The following ATP10B variants were observed in gnomAD, a reference collection of about 807,000 sequenced individuals.
The protein encoded by ATP10B is phospholipid-transporting ATPase VB.
A neutral mutation model predicts 141.2 loss-of-function variants in ATP10B; 122 were observed. That is an observed-to-expected ratio of 0.86 (90% CI 0.75 to 1.00). The LOEUF (loss-of-function observed/expected upper bound fraction) is 1.00. Ranked by LOEUF, ATP10B falls within the 50% of genes least tolerant of loss-of-function variation. The pLI is 0.00. For missense variants in ATP10B, 1,876 were observed against 1,825.3 expected, an observed-to-expected ratio of 1.03 and a Z score of -0.51; for synonymous variants, 685 against 692.0, an observed-to-expected ratio of 0.99 and a Z score of 0.16.
At chr5:160,819,294 GA>G (rs999648934) in intron 1 of ATP10B, among the ~76,000 whole-genome samples, 4 of 151,836 alleles carry the variant, frequency 2.6e-5, no homozygotes, top group East Asian at 3.9e-4. Flanking sequence ...ATTACTTAAG[GA>G]AAAAAAATTA....
At chr5:160,715,709 T>TTTA (rs1200417207) in intron 3 of ATP10B, among the ~76,000 whole-genome samples, 1 of 150,668 alleles carries the variant, frequency 6.6e-6, no homozygotes, top group Non-Finnish European at 1.5e-5. Flanking sequence ...TATTTATTTA[T>TTTA]TTATTTATTT....
chr5:160,919,223 C>CAAAAAAAAAAAAA, the ATP10B span, among the ~76,000 whole-genome samples: 749 of 26,790 alleles, frequency 0.028, 65 homozygotes, highest in Non-Finnish European at 0.035. Context: ...AACTCCGTCT[C>CAAAAAAAAAAAAA]AAAAAAAAAA....
chr5:160,799,899 A>G (rs1334314598), intron 1 of ATP10B, among the ~76,000 whole-genome samples: 9 of 152,222 alleles, frequency 5.9e-5, no homozygotes, highest in Non-Finnish European at 1.2e-4. Flanking sequence ...AAGTTTCCTG[A>G]TTAGGAATTT....
At chr5:160,758,306 C>T (rs1365305075) in intron 2 of ATP10B, among the ~76,000 whole-genome samples, 1 of 152,016 alleles carries the variant, frequency 6.6e-6, no homozygotes, top group Non-Finnish European at 1.5e-5. Context: ...ACAATGCCAA[C>T]ACTACAGGTT....
At position 160,736,996 on chromosome 5, in the gene ATP10B, C is replaced by CA. The variant is rs201381086; in HGVS notation, c.-330-19963dup. ...CCAATATCTCTGATGAATATTGATG[C>CA]AAAAATCCTTGACAAAGTACCAGCA... On this transcript the variant is annotated intron_variant, in intron 2 of 25. Coordinates refer to ENST00000327245, the MANE Select transcript of ATP10B (RefSeq NM_025153.3). 1.3e-3 allele frequency among the ~76,000 whole-genome samples: 194 copies of CA among 152,166 alleles called. 1 individual carries two copies. In the East Asian group the frequency reaches 0.033, roughly 26 times the overall value.
intron 2 of ATP10B, among the ~76,000 whole-genome samples, chr5:160,766,736 T>C (rs1561832462): frequency 6.6e-6 from 1 of 152,112 alleles, no homozygotes. Context: ...CCCAAAACGA[T>C]TGAATAATAA....
intron 1 of ATP10B, among the ~76,000 whole-genome samples, chr5:160,791,028 G>A (rs1771529847): frequency 6.6e-6 from 1 of 152,116 alleles, no homozygotes; most frequent in Admixed American, 6.6e-5. Flanking sequence ...AAGGAACCTG[G>A]GCAGCATCTA....
At position 160,615,751 on chromosome 5, in the gene ATP10B, T is replaced by C. The variant is rs539865887; in HGVS notation, c.2653+87A>G. 1.2e-5 allele frequency: 19 copies of C among 1,525,702 alleles called. No homozygotes were observed. The African/African-American group carries it at 2.2e-4, about 18-fold the overall frequency. 94.5% of individuals were successfully genotyped at this position (1,525,702 alleles called of 1,614,324 possible). A position where few individuals can be genotyped will look rare whatever the true frequency, so the allele number is the denominator to read the frequency against. On this transcript the variant is annotated intron_variant, in intron 17 of 25. Coordinates refer to ENST00000327245, the MANE Select transcript of ATP10B (RefSeq NM_025153.3). ...AGGGAAGGCTGCTAATGGAGACATA[T>C]TAGTAGTGTCAGAATCGGGGCCAAG...
At chr5:160,716,602 T>C (rs1225426286) in intron 3 of ATP10B, among the ~76,000 whole-genome samples, 2 of 152,190 alleles carry the variant, frequency 1.3e-5, no homozygotes, top group African/African-American at 4.8e-5. Context: ...ACGATACATA[T>C]GAGTCTCCAT....
In ATP10B at chr5:160,724,869, A is replaced by AT. The variant is rs573026854; in HGVS notation, c.-330-7836dup. ...GGGAGCCTTTGTCCTCCTTCCTTGC[A>AT]TTTTTTTATTCAAAGCATTTATCAT... On this transcript the variant is annotated intron_variant, in intron 2 of 25. Transcript: ENST00000327245. Among the ~76,000 whole-genome samples, 7 of 152,198 alleles carry AT rather than the reference A, an allele frequency of 4.6e-5. No individual in the cohort carries two copies. The South Asian group carries it at 6.2e-4, about 14-fold the overall frequency.
At chr5:160,741,975 C>T (rs72818575) in intron 2 of ATP10B, among the ~76,000 whole-genome samples, 10,915 of 152,114 alleles carry the variant, frequency 0.072, 386 homozygotes, top group Middle Eastern at 0.085. Flanking sequence ...ATTAGAAACC[C>T]GATGAGGAAG....
intron 2 of ATP10B, among the ~76,000 whole-genome samples, chr5:160,755,878 TTATA>T (rs1455511730): frequency 6.4e-5 from 8 of 124,100 alleles, no homozygotes; most frequent in African/African-American, 2.3e-4. Flanking sequence ...TATATATATA[TTATA>T]ATTTTATGGA....
At chr5:160,769,120 G>A (rs989782991) in intron 2 of ATP10B, among the ~76,000 whole-genome samples, 1 of 152,148 alleles carries the variant, frequency 6.6e-6, no homozygotes, top group South Asian at 2.1e-4. Context: ...TAGATGAGTT[G>A]GAGCCATATA....
At chr5:160,894,238 G>C in the ATP10B span, among the ~76,000 whole-genome samples, 1 of 151,954 alleles carries the variant, frequency 6.6e-6, no homozygotes, top group Non-Finnish European at 1.5e-5. Context: ...CAGAAGGTGG[G>C]TAATAACAAA....
At chr5:160,802,807 AGT>A (rs1003147328) in intron 1 of ATP10B, among the ~76,000 whole-genome samples, 1 of 152,148 alleles carries the variant, frequency 6.6e-6, no homozygotes, top group African/African-American at 2.4e-5. Flanking sequence ...AAAGTATCAG[AGT>A]GTGTGTGGGG....
At chr5:160,624,601 A>T (rs994325466) in intron 13 of ATP10B, among the ~76,000 whole-genome samples, 3 of 152,242 alleles carry the variant, frequency 2.0e-5, no homozygotes, top group Non-Finnish European at 4.4e-5. Context: ...GCACACACAT[A>T]TTATCCATGC....
the ATP10B span, among the ~76,000 whole-genome samples, chr5:160,869,527 C>T: frequency 6.6e-6 from 1 of 152,118 alleles, no homozygotes; most frequent in African/African-American, 2.4e-5. Context: ...TTAGATTCCC[C>T]CTGCACTTCT....
At chr5:160,653,481 G>GTAGTATATATACATATGTACATACATACA (rs1761096188) in intron 7 of ATP10B, among the ~76,000 whole-genome samples, 2 of 67,510 alleles carry the variant, frequency 3.0e-5, no homozygotes, top group African/African-American at 1.3e-4. Context: ...ACATACATAG[G>GTAGTATATATACATATGTACATACATACA]TAGTATATAT....
At chr5:160,681,637 C>T (rs2127739291) in intron 6 of ATP10B, among the ~76,000 whole-genome samples, 1 of 152,084 alleles carries the variant, frequency 6.6e-6, no homozygotes, top group Middle Eastern at 3.4e-3. Flanking sequence ...AAAGCATCAA[C>T]AAAAAAAGAA....
Sources: gnomAD v4.1 joint callset for allele counts (sites outside exome capture counted in the v4.1 genomes callset) on GRCh38, gnomAD v4.1.1 for gene constraint, MANE v1.5 for transcripts, NCBI Gene and HGNC (gene_info 2026-07-23, HGNC 2026-07-21) for gene names.